The following ADPGK variants were observed in gnomAD, a reference collection of about 807,000 sequenced individuals.
ADPGK encodes ADP-dependent glucokinase.
A neutral mutation model predicts 42.4 loss-of-function variants in ADPGK; 26 were observed. The observed-to-expected ratio is 0.61, with a 90% CI of 0.45 to 0.85. ADPGK has a LOEUF of 0.85. Among genes scored for constraint, ADPGK ranks in the 40% least tolerant of loss-of-function variants. ADPGK has a pLI of 0.00. For missense variants in ADPGK, 571 were observed against 627.0 expected, an observed-to-expected ratio of 0.91 and a Z score of 0.95; for synonymous variants, 267 against 252.6, an observed-to-expected ratio of 1.06 and a Z score of -0.54.
In ADPGK at chr15:72,783,571, G is replaced by C. The variant is rs1288110684; in HGVS notation, c.121C>G (p.Leu41Val). The C allele has an allele frequency of 3.3e-6, 5 of 1,511,402 alleles. No homozygotes were observed. In the African/African-American group the frequency reaches 7.2e-5, roughly 22 times the overall value. The allele number at this position is 1,511,402 out of a possible 1,614,324, so 93.6% of individuals were successfully genotyped here. Residue 41 changes from leucine (L) to valine (V), a missense_variant, in exon 1 of 7, where the codon CTG becomes GTG. Physicochemically the swap from Leu to Val is conservative, Grantham distance 32. Around this residue, in one of 2 missense-constraint regions of ADPGK, gnomAD observed 137 missense variants for 104.2 expected, o/e 1.31. Coordinates refer to ENST00000456471, the MANE Select transcript of ADPGK (RefSeq NM_001365225.1). The stretch of plus-strand genomic sequence containing the variant: ...CCCGGGGGCGCAGGCGCGGGCCCCA[G>C]ACACAGCGAGCTCCAGAGAGAGCGC... ...ALRSLWSSLC[L>V]GPAPAPPGPV...
chr15:72,756,002 T>C, intron 5 of ADPGK: 2 of 678,018 alleles, frequency 2.9e-6, no homozygotes, highest in Non-Finnish European at 5.4e-6. Flanking sequence ...GCAGCCATGG[T>C]CGGTTTAGCA....
intron 1 of ADPGK, among the ~76,000 whole-genome samples, chr15:72,780,421 C>T (rs529685969): frequency 1.3e-5 from 2 of 152,292 alleles, no homozygotes; most frequent in Admixed American, 6.5e-5. Context: ...CTGGTCTCTC[C>T]CTTGATTAGC....
intron 1 of ADPGK, among the ~76,000 whole-genome samples, chr15:72,776,172 T>A (rs1478205592): frequency 6.6e-6 from 1 of 152,222 alleles, no homozygotes; most frequent in African/African-American, 2.4e-5. Flanking sequence ...TGGCATGACC[T>A]CTCCTATGTG....
In ADPGK at chr15:72,762,022, C is replaced by T. The variant is rs537653185; in HGVS notation, c.523-1495G>A. Reference sequence around the variant, plus strand: ...AAGTAGCTGGGATTACAGGCGCGTGCCACCAGGCCCAGCTAATTTTTCTAT... The same window carrying T: ...AAGTAGCTGGGATTACAGGCGCGTGTCACCAGGCCCAGCTAATTTTTCTAT... On this transcript the variant is annotated intron_variant, in intron 3 of 6. Coordinates refer to ENST00000456471, the MANE Select transcript of ADPGK (RefSeq NM_001365225.1). Among the ~76,000 whole-genome samples the T allele has an allele frequency of 3.3e-5, 5 of 152,276 alleles. No individual in the cohort carries two copies. In the East Asian group the frequency reaches 9.6e-4, roughly 29 times the overall value.
chr15:72,769,648 T>G (rs879480126), intron 3 of ADPGK, among the ~76,000 whole-genome samples: 13 of 152,154 alleles, frequency 8.5e-5, no homozygotes, highest in Non-Finnish European at 1.9e-4. Flanking sequence ...AAAGGCACGG[T>G]TCCTCTCCTG....
intron 3 of ADPGK, among the ~76,000 whole-genome samples, chr15:72,763,089 C>T (rs2066215260): frequency 6.6e-6 from 1 of 152,188 alleles, no homozygotes; most frequent in Non-Finnish European, 1.5e-5. Context: ...AGCAGACTCG[C>T]ACCACAAGCA....
chr15:72,779,351 C>G (rs911625264), intron 1 of ADPGK, among the ~76,000 whole-genome samples: 2 of 147,252 alleles, frequency 1.4e-5, no homozygotes, highest in Non-Finnish European at 3.0e-5. Flanking sequence ...TGGGTTGAAG[C>G]GATTCTCCTG....
intron 1 of ADPGK, among the ~76,000 whole-genome samples, chr15:72,779,567 T>C (rs548055274): frequency 6.6e-6 from 1 of 152,234 alleles, no homozygotes; most frequent in East Asian, 1.9e-4. Context: ...TTTAAACCAA[T>C]GAATAGGTAC....
intron 3 of ADPGK, among the ~76,000 whole-genome samples, chr15:72,766,102 C>T (rs2066254902): frequency 6.6e-6 from 1 of 152,170 alleles, no homozygotes; most frequent in Non-Finnish European, 1.5e-5. Context: ...ATCTTCCTGC[C>T]TCAGCTTCCC....
rs1255428031 is a variant in ADPGK, at chr15:72,783,532, CG to C, written c.159del (p.Glu54ArgfsTer37). On this transcript the variant is annotated frameshift_variant, in exon 1 of 7. Transcript: ENST00000456471. LOFTEE classifies it high-confidence loss of function. Reference sequence around the variant, plus strand: ...TCCCAGGCTGCCGCCAACCGGCCCTCGGGGGAGACGGGTCCCGGGGGCGCAG... The same window carrying C: ...TCCCAGGCTGCCGCCAACCGGCCCTCGGGGAGACGGGTCCCGGGGGCGCAG... The part of the protein sequence containing the change: ...PAPAPPGPVS[P>X]EGRLAAAWDA... The C allele has an allele frequency of 6.7e-7, 1 of 1,486,032 alleles. No individual in the cohort carries two copies. Among genetic ancestry groups the C allele is most frequent in the East Asian group, 2.8e-5 (1 of 35,238 alleles). The allele number at this position is 1,486,032 out of a possible 1,614,324, so 92.1% of individuals were successfully genotyped here. A position where few individuals can be genotyped will look rare whatever the true frequency, so the allele number is the denominator to read the frequency against.
Position 72,759,146 on chromosome 15 carries a change from C to G in ADPGK, c.643+1261G>C, listed in dbSNP as rs998632595. ...AGAGACGGGGTTTCACCATCTTGGC[C>G]AGGCTGGTCTTGAACTCCTGACCTT... On this transcript the variant is annotated intron_variant, in intron 4 of 6. Transcript: ENST00000456471. Among the ~76,000 whole-genome samples the G allele has an allele frequency of 9.9e-5, 15 of 152,128 alleles. 1 individual carries two copies. The highest frequency in any genetic ancestry group is 9.2e-4 in the Admixed American group (14 of 15,274).
intron 1 of ADPGK, chr15:72,782,775 G>A (rs1359006137): frequency 1.3e-5 from 2 of 152,118 alleles, no homozygotes; most frequent in Non-Finnish European, 2.9e-5. Context: ...AACTGAGACA[G>A]GGACTAAAGT....
At chr15:72,780,584 C>T (rs1012662936) in intron 1 of ADPGK, among the ~76,000 whole-genome samples, 1 of 152,148 alleles carries the variant, frequency 6.6e-6, no homozygotes, top group African/African-American at 2.4e-5. Flanking sequence ...AAGGCCTGAT[C>T]CCAGTAGTTG....
At chr15:72,755,699 A>T (rs2066103053) in intron 5 of ADPGK, 45 bp from the exon 6 acceptor site, 2 of 1,440,150 alleles carry the variant, frequency 1.4e-6, no homozygotes, top group Middle Eastern at 1.8e-4. Flanking sequence ...AATAGAAGGA[A>T]GTCAAGAAAG....
At chr15:72,754,655 A>G in intron 6 of ADPGK, among the ~76,000 whole-genome samples, 1 of 152,222 alleles carries the variant, frequency 6.6e-6, no homozygotes, top group East Asian at 1.9e-4. Flanking sequence ...GTCCATCCAG[A>G]AGGTTCAGGT....
At chr15:72,761,149 A>G (rs750615538) in intron 3 of ADPGK, among the ~76,000 whole-genome samples, 6 of 152,146 alleles carry the variant, frequency 3.9e-5, no homozygotes, top group Non-Finnish European at 7.4e-5. Context: ...CTGTGAGAAA[A>G]TAAACTTCTG....
At chr15:72,766,969 TAA>T in intron 3 of ADPGK, among the ~76,000 whole-genome samples, 1 of 152,316 alleles carries the variant, frequency 6.6e-6, no homozygotes, top group African/African-American at 2.4e-5. Context: ...GTAAATGGTC[TAA>T]ACACTCCGAT....
chr15:72,770,918 C>T (rs1294258577), intron 3 of ADPGK, among the ~76,000 whole-genome samples: 1 of 152,124 alleles, frequency 6.6e-6, no homozygotes, highest in Non-Finnish European at 1.5e-5. Context: ...AGGCTGGTCC[C>T]CCAAAACTAG....
At chr15:72,774,097 C>T (rs1291912556) in intron 2 of ADPGK, among the ~76,000 whole-genome samples, 1 of 152,196 alleles carries the variant, frequency 6.6e-6, no homozygotes, top group Non-Finnish European at 1.5e-5. Flanking sequence ...CCTGCCTCAG[C>T]CTCCCAAAGT....
Sources: allele counts gnomAD v4.1 joint callset (sites outside exome capture counted in the v4.1 genomes callset), GRCh38; gene constraint gnomAD v4.1.1; regional missense constraint gnomAD v4.1.1; transcripts MANE v1.5; gene names NCBI Gene and HGNC (gene_info 2026-07-23, HGNC 2026-07-21).